Variants in UGT2B17 observed in about 807,000 individuals in gnomAD.
The protein encoded by UGT2B17 is UDP glucuronosyltransferase family 2 member B17, also known as UDP-glucuronosyltransferase 2B17.
UGT2B17 carries 21 observed loss-of-function variants against 48.2 expected under a neutral mutation model. That is an observed-to-expected ratio of 0.44 (90% CI 0.31 to 0.63). The LOEUF is 0.63. Among genes scored for constraint, UGT2B17 ranks in the 20% least tolerant of loss-of-function variants. The pLI is 0.08. For missense variants in UGT2B17, 402 were observed against 696.1 expected (o/e 0.58, Z 4.75); for synonymous variants, 146 against 238.4 (o/e 0.61, Z 3.57).
rs1433019233 is a variant in UGT2B17 at position 68,540,560 on chromosome 4, C to T, written c.1314-2656G>A. Among the ~76,000 whole-genome samples, 42 of 126,720 alleles carry T rather than the reference C, an allele frequency of 3.3e-4. 8 individuals carry two copies. Among genetic ancestry groups the T allele is most frequent in the African/African-American group, 1.1e-3 (40 of 37,148 alleles). The allele number at this position is 126,720 out of a possible 152,430, so 83.1% of individuals were successfully genotyped here. On this transcript the variant is annotated intron_variant, in intron 6 of 6. Coordinates refer to ENST00000317746, the MANE Select transcript of UGT2B17 (RefSeq NM_001077.4). ...GAGTATGGTCTCGATCTCTTGACCT[C>T]GTGATCTGCCCTCCTCAGCCACCCA...
chr4:68,561,892 A>G (rs1206028482), intron 3 of UGT2B17, among the ~76,000 whole-genome samples: 2 of 122,578 alleles, frequency 1.6e-5, no homozygotes, highest in African/African-American at 5.5e-5. Flanking sequence ...TTTTGTTGCT[A>G]TTGTCCCTTT....
chr4:68,548,859 G>A lies in UGT2B17; in HGVS notation c.1313+1818C>T, dbSNP rs1463052571. Reference sequence around the variant, plus strand: ...TTTTTGCATATTGATTTTTCTATCCGGAGGCTTTGCTGAAGTTGCTTATCA... The same window carrying A: ...TTTTTGCATATTGATTTTTCTATCCAGAGGCTTTGCTGAAGTTGCTTATCA... On this transcript the variant is annotated intron_variant, in intron 6 of 6. Transcript: ENST00000317746. 2.4e-5 allele frequency among the ~76,000 whole-genome samples: 3 copies of A among 124,446 alleles called. 1 individual carries two copies. Among genetic ancestry groups the A allele is most frequent in the Non-Finnish European group, 3.4e-5 (2 of 58,994 alleles). 81.6% of individuals were successfully genotyped at this position (124,446 alleles called of 152,430 possible).
intron 1 of UGT2B17, among the ~76,000 whole-genome samples, chr4:68,574,021 C>A (rs1189344941): frequency 7.9e-6 from 1 of 126,592 alleles, no homozygotes; most frequent in Non-Finnish European, 1.7e-5. Context: ...GGAGGACCAC[C>A]GTAGTGGGAA....
Position 68,565,883 on chromosome 4 carries a change from TAATAC to T in UGT2B17, c.725-168_725-164del, listed in dbSNP as rs1446144690. 3.2e-4 allele frequency among the ~76,000 whole-genome samples: 38 copies of T among 119,520 alleles called. 13 individuals are homozygous for T. The highest frequency in any genetic ancestry group is 6.2e-4 in the Admixed American group (7 of 11,314). 78.4% of individuals were successfully genotyped at this position (119,520 alleles called of 152,430 possible). ...TATATATAAATACATTTATATAATA[TAATAC>T]ATTATATTAAATACATTATATTAAA... On this transcript the variant is annotated intron_variant, in intron 2 of 6. Transcript: ENST00000317746.
chr4:68,545,669 G>T (rs1339397592), intron 6 of UGT2B17, among the ~76,000 whole-genome samples: 1 of 125,188 alleles, frequency 8.0e-6, no homozygotes, highest in African/African-American at 2.7e-5. Flanking sequence ...AAAATTGATA[G>T]ACTGCTAGCA....
At chr4:68,563,229 G>C (rs150721253) in intron 3 of UGT2B17, among the ~76,000 whole-genome samples, 2,625 of 126,832 alleles carry the variant, frequency 0.021, 621 homozygotes, top group East Asian at 0.06. Context: ...GCAAATTTGT[G>C]GCAACAATTA....
At chr4:68,573,254 G>T (rs1189353734) in intron 1 of UGT2B17, among the ~76,000 whole-genome samples, 1 of 127,250 alleles carries the variant, frequency 7.9e-6, no homozygotes, top group African/African-American at 2.7e-5. Flanking sequence ...ATTGGCCTTG[G>T]CCAGGAACCT....
intron 6 of UGT2B17, among the ~76,000 whole-genome samples, chr4:68,539,468 T>C (rs1730614542): frequency 8.0e-6 from 1 of 125,496 alleles, no homozygotes; most frequent in Non-Finnish European, 1.7e-5. Context: ...CTAATAATTA[T>C]GGTATTAAGA....
chr4:68,560,917 A>G lies in UGT2B17; in HGVS notation c.874-249T>C, dbSNP rs1209036335. On this transcript the variant is annotated intron_variant, in intron 3 of 6. Transcript: ENST00000317746. ...GTGTGTGTAAGGAAGAAATGAAACAAAGCTATGACACTGCAGTAGGAGGAG... is the reference window on the plus strand; with the variant it reads ...GTGTGTGTAAGGAAGAAATGAAACAGAGCTATGACACTGCAGTAGGAGGAG... 1.6e-5 allele frequency among the ~76,000 whole-genome samples: 2 copies of G among 125,438 alleles called. 1 individual carries two copies. Among genetic ancestry groups the G allele is most frequent in the Non-Finnish European group, 3.4e-5 (2 of 59,418 alleles). 82.3% of individuals were successfully genotyped at this position (125,438 alleles called of 152,430 possible). A position where few individuals can be genotyped will look rare whatever the true frequency, so the allele number is the denominator to read the frequency against.
rs766733525 is a variant in UGT2B17, at chr4:68,539,842, C to T, written c.1314-1938G>A. 3.6e-4 allele frequency among the ~76,000 whole-genome samples: 38 copies of T among 104,796 alleles called. 8 individuals carry two copies. The highest frequency in any genetic ancestry group is 1.6e-3 in the Admixed American group (15 of 9,302). 68.8% of individuals were successfully genotyped at this position (104,796 alleles called of 152,430 possible). ...CTCTGTCACCCAGGCTTGAGTATGA[C>T]GGAGCGATCTTGGCTGACTGCAACT... is the stretch of plus-strand genomic sequence containing the variant. On this transcript the variant is annotated intron_variant, in intron 6 of 6. Coordinates refer to ENST00000317746, the MANE Select transcript of UGT2B17 (RefSeq NM_001077.4).
intron 3 of UGT2B17, among the ~76,000 whole-genome samples, chr4:68,562,986 A>C (rs1731131364): frequency 7.9e-6 from 1 of 126,476 alleles, no homozygotes; most frequent in Non-Finnish European, 1.7e-5. Flanking sequence ...ATAAGTTTTT[A>C]ACCATTTCTT....
chr4:68,565,086 T>G (rs184703658), intron 3 of UGT2B17, among the ~76,000 whole-genome samples: 1,529 of 126,332 alleles, frequency 0.012, 273 homozygotes, highest in African/African-American at 0.039. Context: ...TCACTTTAAT[T>G]GTCAATGAGT....
intron 2 of UGT2B17, among the ~76,000 whole-genome samples, chr4:68,567,303 T>G (rs1731217676): frequency 7.9e-6 from 1 of 126,410 alleles, no homozygotes; most frequent in African/African-American, 2.7e-5. Flanking sequence ...GAAGGAATCC[T>G]TCTTATATGA....
In UGT2B17 at chr4:68,551,901, C is replaced by A; in HGVS notation, c.1016G>T (p.Arg339Ile). Residue 339 changes from arginine (R) to isoleucine (I), a missense_variant, in exon 5 of 7, where the codon AGA becomes ATA. By Grantham distance (97) the Arg-to-Ile change is moderately conservative (BLOSUM62 -3). Around this residue, in one of 5 missense-constraint regions of UGT2B17, gnomAD observed 5 missense variants for 66.3 expected, o/e 0.08. Transcript: ENST00000317746. ...AGTATTTGGCTTCTTGCCATCAAAT[C>A]TCCATAGAACCTGTTAGGGCAAGGA... The part of the protein sequence containing the change: ...LAQIPQKVLW[R>I]FDGKKPNTLG... 1 of 1,354,560 alleles carries A rather than the reference C, an allele frequency of 7.4e-7. No individual in the cohort carries two copies. Among genetic ancestry groups the A allele is most frequent in the Non-Finnish European group, 9.6e-7 (1 of 1,037,702 alleles). 83.9% of individuals were successfully genotyped at this position (1,354,560 alleles called of 1,614,324 possible).
At position 68,568,404 on chromosome 4, in the gene UGT2B17, C is replaced by T. The variant is rs1179095448; in HGVS notation, c.81G>A (p.Leu27=). 1.8e-5 allele frequency: 25 copies of T among 1,372,390 alleles called. 7 individuals carry two copies. Among genetic ancestry groups the T allele is most frequent in the East Asian group, 1.6e-4 (2 of 12,130 alleles). 85.0% of individuals were successfully genotyped at this position (1,372,390 alleles called of 1,614,324 possible). A position where few individuals can be genotyped will look rare whatever the true frequency, so the allele number is the denominator to read the frequency against. The change falls in exon 2 of 7, where the codon CTG becomes CTA. Residue 27 remains leucine (L), a synonymous_variant. Transcript: ENST00000317746. ...AATGGCTGTATTCTGTGGGCCACAC[C>T]AGCACCTTTCCACAACTCCCAGAGC... ...YFSSGSCGKV[L]VWPTEYSHWI...
At position 68,543,371 on chromosome 4, in the gene UGT2B17, G is replaced by A. The variant is rs373320581; in HGVS notation, c.1314-5467C>T. On this transcript the variant is annotated intron_variant, in intron 6 of 6. Transcript: ENST00000317746. ...CAAACTCGAACAGACCTGCAGCTGA[G>A]GGTCCTGACTGTTAGAAGGAAAACT... Among the ~76,000 whole-genome samples the A allele has an allele frequency of 9.5e-5, 12 of 126,386 alleles. 6 individuals carry two copies. The East Asian group carries it at 9.1e-3, about 96-fold the overall frequency. The allele number at this position is 126,386 out of a possible 152,430, so 82.9% of individuals were successfully genotyped here.
chr4:68,542,515 G>A lies in UGT2B17; in HGVS notation c.1314-4611C>T, dbSNP rs1730684185. Among the ~76,000 whole-genome samples the A allele has an allele frequency of 3.2e-5, 4 of 126,836 alleles. 1 individual carries two copies. The South Asian group carries it at 1.5e-3, about 47-fold the overall frequency. 83.2% of individuals were successfully genotyped at this position (126,836 alleles called of 152,430 possible). A position where few individuals can be genotyped will look rare whatever the true frequency, so the allele number is the denominator to read the frequency against. ...CCAGTCTACAGCTCCCAGTGTGAAT[G>A]ACACAGATGAGGAATGATTTCTGCA... is the stretch of plus-strand genomic sequence containing the variant. On this transcript the variant is annotated intron_variant, in intron 6 of 6. Transcript: ENST00000317746.
chr4:68,567,550 C>G (rs1446883128), intron 2 of UGT2B17, among the ~76,000 whole-genome samples: 1 of 125,340 alleles, frequency 8.0e-6, no homozygotes, highest in African/African-American at 2.7e-5. Flanking sequence ...TTATGACTCT[C>G]TTGGTGTCCT....
rs1731140600 is a variant in UGT2B17 at position 68,563,549 on chromosome 4, GA to G, written c.873+2022del. On this transcript the variant is annotated intron_variant, in intron 3 of 6. Coordinates refer to ENST00000317746, the MANE Select transcript of UGT2B17 (RefSeq NM_001077.4). ...CAGAATCACTTGAACCTAGAGGGTG[GA>G]GGTTGCAGTGAGCTGAGATCATGGT... 4.7e-5 allele frequency among the ~76,000 whole-genome samples: 6 copies of G among 126,836 alleles called. 1 individual carries two copies. Among genetic ancestry groups the G allele is most frequent in the Admixed American group, 3.2e-4 (4 of 12,396 alleles). 83.2% of individuals were successfully genotyped at this position (126,836 alleles called of 152,430 possible). A position where few individuals can be genotyped will look rare whatever the true frequency, so the allele number is the denominator to read the frequency against.
Sources: gnomAD v4.1 joint callset for allele counts (sites outside exome capture counted in the v4.1 genomes callset) on GRCh38, gnomAD v4.1.1 for gene constraint, gnomAD v4.1.1 regional missense constraint, MANE v1.5 for transcripts, NCBI Gene and HGNC (gene_info 2026-07-23, HGNC 2026-07-21) for gene names.